The following MCPH1 variants were observed in gnomAD, a reference collection of about 807,000 sequenced individuals.
MCPH1 encodes microcephalin 1, also known as microcephalin.
Under a neutral mutation model 84.5 loss-of-function variants are expected in MCPH1, and 104 were observed. That is an observed-to-expected ratio of 1.23 (90% CI 1.05 to 1.45). The LOEUF (loss-of-function observed/expected upper bound fraction) is 1.45. Ranked by LOEUF, MCPH1 falls within the 40% of genes most tolerant of loss-of-function variation. The pLI, the probability that MCPH1 is intolerant of heterozygous loss-of-function variation, is 0.00. For synonymous variants in MCPH1, 514 were observed against 366.8 expected (o/e 1.40, Z -4.58); for missense variants, 1,498 against 1,005.7 (o/e 1.49, Z -6.62).
At chr8:6,585,663 A>G (rs566700337) in intron 12 of MCPH1, among the ~76,000 whole-genome samples, 1 of 152,352 alleles carries the variant, frequency 6.6e-6, no homozygotes, top group East Asian at 1.9e-4. Context: ...CTGGATTCCC[A>G]TACTCAATTA....
rs1204064925 is a variant in MCPH1, at chr8:6,519,378, C to G, written c.2214+19449C>G. Among the ~76,000 whole-genome samples the G allele has an allele frequency of 2.6e-5, 4 of 152,108 alleles. No individual in the cohort carries two copies. In the East Asian group the frequency reaches 5.8e-4, roughly 22 times the overall value. ...CCCGTGTGAGGCAGGGCAGCGGTAG[C>G]TAACTGTACAAGTCACTATGCAGTC... is the stretch of plus-strand genomic sequence containing the variant. On this transcript the variant is annotated intron_variant, in intron 12 of 13. Transcript: ENST00000344683.
intron 2 of MCPH1, among the ~76,000 whole-genome samples, chr8:6,413,036 A>G (rs1186817521): frequency 6.6e-6 from 1 of 152,216 alleles, no homozygotes. Context: ...TTACTTCAGT[A>G]TAATTGAATG....
At chr8:6,604,941 A>C (rs1009282895) in intron 12 of MCPH1, among the ~76,000 whole-genome samples, 1 of 152,278 alleles carries the variant, frequency 6.6e-6, no homozygotes, top group African/African-American at 2.4e-5. Flanking sequence ...AAGGAACCAC[A>C]GAATCAAACA....
At chr8:6,594,837 C>T (rs764827818) in intron 12 of MCPH1, among the ~76,000 whole-genome samples, 1 of 152,116 alleles carries the variant, frequency 6.6e-6, no homozygotes, top group Non-Finnish European at 1.5e-5. Flanking sequence ...AAAGACCTGC[C>T]CTCGGGGTCA....
intron 12 of MCPH1, among the ~76,000 whole-genome samples, chr8:6,551,104 G>C (rs1224905180): frequency 6.6e-6 from 1 of 152,184 alleles, no homozygotes; most frequent in Non-Finnish European, 1.5e-5. Context: ...TACCTTCCAC[G>C]GCTCCTGGGC....
intron 12 of MCPH1, among the ~76,000 whole-genome samples, chr8:6,605,704 CT>C (rs5889178): frequency 2.0e-5 from 3 of 150,992 alleles, no homozygotes; most frequent in African/African-American, 4.9e-5. Context: ...TTTTTGTAAT[CT>C]TTTTTTTTAT....
chr8:6,640,073 T>C (rs1367767789), intron 13 of MCPH1, among the ~76,000 whole-genome samples: 1 of 143,058 alleles, frequency 7.0e-6, no homozygotes, highest in Admixed American at 6.9e-5. Context: ...TGTGTGTGTG[T>C]GTGTGTGTGT....
chr8:6,515,222 C>T (rs948274929), intron 12 of MCPH1, among the ~76,000 whole-genome samples: 3 of 151,996 alleles, frequency 2.0e-5, no homozygotes, highest in Non-Finnish European at 2.9e-5. Context: ...CCCTGCCCCT[C>T]CACAGAGAGC....
intron 11 of MCPH1, among the ~76,000 whole-genome samples, chr8:6,498,311 T>C (rs1471433466): frequency 6.6e-6 from 1 of 152,154 alleles, no homozygotes; most frequent in Non-Finnish European, 1.5e-5. Context: ...TTTCACTATT[T>C]TGAACACTCT....
chr8:6,555,443 G>T (rs1176302639), intron 12 of MCPH1, among the ~76,000 whole-genome samples: 1 of 147,862 alleles, frequency 6.8e-6, no homozygotes, highest in African/African-American at 2.6e-5. Context: ...AACATAATTT[G>T]TTTTACGGGG....
intron 2 of MCPH1, among the ~76,000 whole-genome samples, chr8:6,413,465 A>G (rs1473462249): frequency 6.6e-6 from 1 of 150,668 alleles, no homozygotes; most frequent in Non-Finnish European, 1.5e-5. Context: ...CTTTTCTTTG[A>G]TTATTTCTTT....
At chr8:6,639,273 G>A (rs747649638) in intron 13 of MCPH1, among the ~76,000 whole-genome samples, 9 of 152,158 alleles carry the variant, frequency 5.9e-5, no homozygotes, top group African/African-American at 9.7e-5. Context: ...CAGTAGACAA[G>A]TACACAGGGT....
intron 12 of MCPH1, among the ~76,000 whole-genome samples, chr8:6,537,335 C>T (rs953925532): frequency 1.3e-5 from 2 of 151,992 alleles, no homozygotes; most frequent in African/African-American, 4.8e-5. Flanking sequence ...ACACAGTCGG[C>T]AAAGTGTGGG....
intron 11 of MCPH1, among the ~76,000 whole-genome samples, chr8:6,486,830 A>G (rs1378032549): frequency 6.6e-6 from 1 of 152,222 alleles, no homozygotes; most frequent in Non-Finnish European, 1.5e-5. Context: ...TTAGACTCAC[A>G]TTGTTTTGTT....
intron 13 of MCPH1, among the ~76,000 whole-genome samples, chr8:6,638,563 A>G (rs920549162): frequency 4.7e-5 from 7 of 150,368 alleles, no homozygotes; most frequent in Non-Finnish European, 4.4e-5. Context: ...CCTGCTAAAT[A>G]CTGTTGCTTA....
chr8:6,437,701 C>T (rs999354880), intron 5 of MCPH1, among the ~76,000 whole-genome samples: 5 of 152,182 alleles, frequency 3.3e-5, no homozygotes, highest in Admixed American at 6.5e-5. Flanking sequence ...CCAGCTGTCT[C>T]GTCTTCGTCA....
chr8:6,539,025 G>C (rs1267235146), intron 12 of MCPH1, among the ~76,000 whole-genome samples: 1 of 76,532 alleles, frequency 1.3e-5, no homozygotes, highest in African/African-American at 4.6e-5. Flanking sequence ...TTTTAGAGTT[G>C]GGCTTGTGTG....
intron 11 of MCPH1, among the ~76,000 whole-genome samples, chr8:6,495,632 G>A (rs1336114603): frequency 6.6e-6 from 1 of 152,064 alleles, no homozygotes; most frequent in Non-Finnish European, 1.5e-5. Flanking sequence ...TATTACTTTT[G>A]TTACGCTTAT....
At chr8:6,518,674 C>G (rs149023088) in intron 12 of MCPH1, among the ~76,000 whole-genome samples, 9 of 152,274 alleles carry the variant, frequency 5.9e-5, no homozygotes, top group African/African-American at 2.2e-4. Flanking sequence ...AGAGATAATA[C>G]TTCCAAGAGC....
Sources: allele counts gnomAD v4.1 joint callset (sites outside exome capture counted in the v4.1 genomes callset), GRCh38; gene constraint gnomAD v4.1.1; transcripts MANE v1.5; gene names NCBI Gene and HGNC (gene_info 2026-07-23, HGNC 2026-07-21).